The following PPFIA2 variants were observed in gnomAD, a reference collection of about 807,000 sequenced individuals.
The protein encoded by PPFIA2 is PPFI scaffold protein A2, also known as liprin-alpha-2.
A neutral mutation model predicts 175.5 loss-of-function variants in PPFIA2; 46 were observed. The ratio of observed to expected loss-of-function variants is 0.26; its 90% CI spans 0.21 to 0.34. The LOEUF (loss-of-function observed/expected upper bound fraction) is 0.34, where lower values mean the gene tolerates loss of function less well. Among genes scored for constraint, PPFIA2 ranks in the 10% least tolerant of loss-of-function variants. The pLI, the probability that PPFIA2 is intolerant of heterozygous loss-of-function variation, is 1.00. For missense variants in PPFIA2, 1,179 were observed against 1,506.1 expected, an observed-to-expected ratio of 0.78 and a Z score of 3.60; for synonymous variants, 568 against 511.4, an observed-to-expected ratio of 1.11 and a Z score of -1.49.
chr12:81,695,942 T>G (rs2075845384), intron 3 of PPFIA2, among the ~76,000 whole-genome samples: 1 of 152,126 alleles, frequency 6.6e-6, no homozygotes, highest in Non-Finnish European at 1.5e-5. Flanking sequence ...ACAAATTTAT[T>G]GAGAATTTTG....
At chr12:81,661,327 A>C (rs2153547586) in intron 4 of PPFIA2, among the ~76,000 whole-genome samples, 1 of 152,306 alleles carries the variant, frequency 6.6e-6, no homozygotes, top group Admixed American at 6.5e-5. Flanking sequence ...AGACACACAT[A>C]GGCTCAAAAT....
At chr12:81,347,086 C>A (rs540922944) in intron 18 of PPFIA2, among the ~76,000 whole-genome samples, 68 of 151,444 alleles carry the variant, frequency 4.5e-4, no homozygotes, top group African/African-American at 1.7e-3. Context: ...CAGACCACCA[C>A]CACACCCAGC....
intron 4 of PPFIA2, among the ~76,000 whole-genome samples, chr12:81,509,475 C>A (rs1465444479): frequency 6.6e-6 from 1 of 152,128 alleles, no homozygotes; most frequent in Non-Finnish European, 1.5e-5. Flanking sequence ...TATATAGGGT[C>A]TTTTCTCTGT....
chr12:81,518,024 G>A (rs192785059), intron 4 of PPFIA2, among the ~76,000 whole-genome samples: 1 of 152,028 alleles, frequency 6.6e-6, no homozygotes, highest in African/African-American at 2.4e-5. Flanking sequence ...CACCAACATG[G>A]CACATGTATA....
At chr12:81,406,190 A>G (rs2042896959) in intron 7 of PPFIA2, among the ~76,000 whole-genome samples, 1 of 152,166 alleles carries the variant, frequency 6.6e-6, no homozygotes, top group African/African-American at 2.4e-5. Flanking sequence ...AAAATCAATG[A>G]TATATTTGTA....
chr12:81,535,500 A>C (rs563584208), intron 4 of PPFIA2: 2 of 454,610 alleles, frequency 4.4e-6, no homozygotes, highest in Non-Finnish European at 8.8e-6. Context: ...CCATGAGATC[A>C]GGTTGAGACA....
intron 4 of PPFIA2, among the ~76,000 whole-genome samples, chr12:81,556,437 C>A (rs1353209189): frequency 6.6e-6 from 1 of 151,832 alleles, no homozygotes; most frequent in East Asian, 1.9e-4. Flanking sequence ...GAATGTCTTA[C>A]CCTTTTTTCA....
chr12:81,462,907 T>C (rs976091158), intron 4 of PPFIA2, among the ~76,000 whole-genome samples: 19 of 152,034 alleles, frequency 1.2e-4, no homozygotes, highest in South Asian at 8.3e-4. Context: ...GAATAATTCA[T>C]GCATTTAAAT....
At chr12:81,700,807 T>C (rs559301273) in intron 3 of PPFIA2, among the ~76,000 whole-genome samples, 35 of 152,252 alleles carry the variant, frequency 2.3e-4, no homozygotes, top group African/African-American at 8.4e-4. Flanking sequence ...TATTGATTAG[T>C]TGGATATAAA....
In PPFIA2 at chr12:81,356,420, T is replaced by C. The variant is rs577753344; in HGVS notation, c.1773+1662A>G. 9.2e-5 allele frequency among the ~76,000 whole-genome samples: 14 copies of C among 152,196 alleles called. No homozygotes were observed. The South Asian group carries it at 2.9e-3, about 32-fold the overall frequency. On this transcript the variant is annotated intron_variant, in intron 16 of 32. Coordinates refer to ENST00000549396, the MANE Select transcript of PPFIA2 (RefSeq NM_003625.5). Reference sequence around the variant, plus strand: ...GTTCACGCTTATAATCCCAGCACTTTGGGAGGCTGAGGTGGGCAGATCACT... The same window carrying C: ...GTTCACGCTTATAATCCCAGCACTTCGGGAGGCTGAGGTGGGCAGATCACT...
In PPFIA2 at chr12:81,659,187, C is replaced by A. The variant is rs141909491; in HGVS notation, c.303+17604G>T. Reference sequence around the variant, plus strand: ...GCATTTCCAACTGAGGTACTGGGTTCATCTCACTGGGGATTGTCAGACAGT... The same window carrying A: ...GCATTTCCAACTGAGGTACTGGGTTAATCTCACTGGGGATTGTCAGACAGT... On this transcript the variant is annotated intron_variant, in intron 4 of 32. Coordinates refer to ENST00000549396, the MANE Select transcript of PPFIA2 (RefSeq NM_003625.5). Among the ~76,000 whole-genome samples, 1,506 of 152,178 alleles carry A rather than the reference C, an allele frequency of 9.9e-3. 15 individuals carry two copies. Among genetic ancestry groups the A allele is most frequent in the Middle Eastern group, 0.048 (14 of 294 alleles).
chr12:81,422,541 A>G (rs1244388460), intron 7 of PPFIA2, among the ~76,000 whole-genome samples: 1 of 152,104 alleles, frequency 6.6e-6, no homozygotes, highest in East Asian at 1.9e-4. Context: ...AGAAATTACT[A>G]CAGATGGAAG....
chr12:81,517,529 G>A (rs971530119), intron 4 of PPFIA2, among the ~76,000 whole-genome samples: 10 of 152,154 alleles, frequency 6.6e-5, no homozygotes, highest in African/African-American at 2.4e-4. Context: ...ACATGCCTTT[G>A]ACTGTGCTTG....
In PPFIA2 at chr12:81,682,464, T is replaced by C. The variant is rs140512072; in HGVS notation, c.250-5620A>G. On this transcript the variant is annotated intron_variant, in intron 3 of 32. Coordinates refer to ENST00000549396, the MANE Select transcript of PPFIA2 (RefSeq NM_003625.5). The stretch of plus-strand genomic sequence containing the variant: ...ATGCATATTTGTAATTTGGGACTAG[T>C]TTTTAGATTCTTTGGGAAAAGTTAA... 5.5e-4 allele frequency among the ~76,000 whole-genome samples: 83 copies of C among 152,124 alleles called. 1 individual carries two copies. Among genetic ancestry groups the C allele is most frequent in the African/African-American group, 2.0e-3 (82 of 41,524 alleles).
intron 7 of PPFIA2, among the ~76,000 whole-genome samples, chr12:81,407,603 T>C (rs2043176842): frequency 6.6e-6 from 1 of 152,202 alleles, no homozygotes; most frequent in Non-Finnish European, 1.5e-5. Flanking sequence ...TAACAAGGTC[T>C]ATACTGTCCT....
At chr12:81,539,496 G>A (rs11612347) in intron 4 of PPFIA2, among the ~76,000 whole-genome samples, 1,539 of 151,976 alleles carry the variant, frequency 0.01, 13 homozygotes, top group Non-Finnish European at 0.014. Flanking sequence ...CCCACAATTA[G>A]CATCAATAGC....
At chr12:81,721,661 T>C (rs1426586761) in intron 3 of PPFIA2, among the ~76,000 whole-genome samples, 1 of 151,290 alleles carries the variant, frequency 6.6e-6, no homozygotes. Context: ...ACTAAAAGTT[T>C]ACGATGAGAA....
intron 4 of PPFIA2, among the ~76,000 whole-genome samples, chr12:81,495,086 A>T (rs1388139041): frequency 6.6e-6 from 1 of 152,026 alleles, no homozygotes; most frequent in South Asian, 2.1e-4. Flanking sequence ...TAAAACTTAA[A>T]GTATAATAAT....
intron 23 of PPFIA2, among the ~76,000 whole-genome samples, chr12:81,297,357 T>C (rs1464682451): frequency 6.6e-6 from 1 of 152,144 alleles, no homozygotes; most frequent in Admixed American, 6.5e-5. Flanking sequence ...ATAAACATCC[T>C]TTTAGTTGAA....
Sources: allele counts gnomAD v4.1 joint callset (sites outside exome capture counted in the v4.1 genomes callset), GRCh38; gene constraint gnomAD v4.1.1; transcripts MANE v1.5; gene names NCBI Gene and HGNC (gene_info 2026-07-23, HGNC 2026-07-21).